Variants in RERE observed in about 807,000 individuals in gnomAD.
The protein encoded by RERE is arginine-glutamic acid dipeptide repeats, also known as arginine-glutamic acid dipeptide repeats protein.
RERE carries 40 observed loss-of-function variants against 146.1 expected under a neutral mutation model. The observed-to-expected ratio is 0.27, with a 90% confidence interval of 0.21 to 0.36. The LOEUF is 0.36. RERE is among the 10% of genes least tolerant of loss of function. RERE has a pLI of 1.00. For synonymous variants in RERE, 1,003 were observed against 866.0 expected, an observed-to-expected ratio of 1.16 and a Z score of -2.78; for missense variants, 1,933 against 2,138.7, an observed-to-expected ratio of 0.90 and a Z score of 1.90.
intron 11 of RERE, among the ~76,000 whole-genome samples, chr1:8,436,105 G>A (rs763306093): frequency 2.0e-5 from 3 of 152,180 alleles, no homozygotes; most frequent in Middle Eastern, 3.2e-3. Context: ...CAGATCACGA[G>A]GTCAGGAGTT....
intron 4 of RERE, among the ~76,000 whole-genome samples, chr1:8,585,637 C>T (rs781192786): frequency 3.3e-5 from 5 of 152,104 alleles, no homozygotes; most frequent in Non-Finnish European, 5.9e-5. Context: ...TAAGAGGTTC[C>T]TACTAACCAA....
At chr1:8,614,769 G>GT (rs1646832067) in intron 3 of RERE, 83 bp from the exon 4 acceptor site, 1 of 1,465,422 alleles carries the variant, frequency 6.8e-7, no homozygotes, top group South Asian at 1.4e-5. Context: ...ACACAAGTCG[G>GT]TATCTGCAAA....
At chr1:8,357,108 G>A (rs1298323446) in intron 20 of RERE, among the ~76,000 whole-genome samples, 1 of 152,120 alleles carries the variant, frequency 6.6e-6, no homozygotes, top group Non-Finnish European at 1.5e-5. Context: ...TATACTTTCT[G>A]CCTCTCACAA....
At chr1:8,750,578 T>C in intron 1 of RERE, 1 of 1,010,198 alleles carries the variant, frequency 9.9e-7, no homozygotes, top group Admixed American at 1.7e-5. Context: ...GAAGCTTATT[T>C]ATGAAAAAGC....
rs1644383404 is a variant in RERE at position 8,450,931 on chromosome 1, T to G, written c.1203+14994A>C. Among the ~76,000 whole-genome samples the G allele has an allele frequency of 3.3e-5, 5 of 152,328 alleles. 1 individual carries two copies. The South Asian group carries it at 1.0e-3, about 32-fold the overall frequency. On this transcript the variant is annotated intron_variant, in intron 11 of 22. Coordinates refer to ENST00000400908, the MANE Select transcript of RERE (RefSeq NM_001042681.2). ...CTGTGTCTACCATTCTTGGTGCTCTTTATTCCAGCCTAGCCATCTACCGGT... is the reference window on the plus strand; with the variant it reads ...CTGTGTCTACCATTCTTGGTGCTCTGTATTCCAGCCTAGCCATCTACCGGT...
intron 12 of RERE, among the ~76,000 whole-genome samples, chr1:8,392,102 C>T (rs1026985523): frequency 3.3e-5 from 5 of 152,182 alleles, no homozygotes; most frequent in Non-Finnish European, 7.4e-5. Context: ...TCACAACTCA[C>T]ACAATGTTCA....
chr1:8,588,628 A>G (rs1019565233), intron 4 of RERE, among the ~76,000 whole-genome samples: 1 of 152,222 alleles, frequency 6.6e-6, no homozygotes, highest in Admixed American at 6.5e-5. Flanking sequence ...AAATAATGGT[A>G]ACTAAGTAAT....
intron 6 of RERE, among the ~76,000 whole-genome samples, chr1:8,552,072 A>G (rs1645942389): frequency 6.6e-6 from 1 of 152,256 alleles, no homozygotes; most frequent in Non-Finnish European, 1.5e-5. Context: ...CAATGCAGTA[A>G]TGCTGAACTT....
intron 1 of RERE, among the ~76,000 whole-genome samples, chr1:8,787,936 A>G (rs1448085155): frequency 1.3e-5 from 2 of 152,084 alleles, no homozygotes; most frequent in African/African-American, 4.8e-5. Flanking sequence ...CATCTCTACA[A>G]AAAATACAAA....
At chr1:8,653,115 G>T (rs924612706) in intron 2 of RERE, among the ~76,000 whole-genome samples, 1 of 152,156 alleles carries the variant, frequency 6.6e-6, no homozygotes, top group African/African-American at 2.4e-5. Context: ...TGTTAAAGAG[G>T]TTTCCTTAAC....
At chr1:8,614,753 C>T (rs1646831682) in intron 3 of RERE, 67 bp from the exon 4 acceptor site, 25 of 1,519,550 alleles carry the variant, frequency 1.6e-5, no homozygotes, top group Non-Finnish European at 2.2e-5. Flanking sequence ...ATTAGGGGCA[C>T]GCAGCACACA....
chr1:8,425,344 C>A (rs1002827821), intron 11 of RERE: 1 of 152,274 alleles, frequency 6.6e-6, no homozygotes, highest in African/African-American at 2.4e-5. Context: ...GAAGTCATTA[C>A]AGAACATTCT....
At chr1:8,779,519 C>A (rs1641127661) in intron 1 of RERE, among the ~76,000 whole-genome samples, 1 of 151,792 alleles carries the variant, frequency 6.6e-6, no homozygotes, top group Non-Finnish European at 1.5e-5. Flanking sequence ...AAAAATTAGC[C>A]GGGCATGGTG....
chr1:8,373,181 T>G (rs1642108335), intron 12 of RERE, among the ~76,000 whole-genome samples: 1 of 152,174 alleles, frequency 6.6e-6, no homozygotes, highest in Non-Finnish European at 1.5e-5. Context: ...TCATTTTAAT[T>G]CTTTAAGACA....
intron 4 of RERE, among the ~76,000 whole-genome samples, chr1:8,605,063 TCTAA>T (rs1244628388): frequency 3.3e-5 from 5 of 152,250 alleles, no homozygotes; most frequent in East Asian, 1.9e-4. Flanking sequence ...TAACAATGTC[TCTAA>T]CTAATTTCAG....
At position 8,530,756 on chromosome 1, in the gene RERE, A is replaced by G. The variant is rs1478570939; in HGVS notation, c.830+10458T>C. ...CCGGACTGCGGACTGCAGTGGCGCA[A>G]TCTCGGCTCACTGCAAGCTCCGCTT... On this transcript the variant is annotated intron_variant, in intron 7 of 22. Coordinates refer to ENST00000400908, the MANE Select transcript of RERE (RefSeq NM_001042681.2). Among the ~76,000 whole-genome samples the G allele has an allele frequency of 4.9e-5, 7 of 144,162 alleles. No homozygotes were observed. The South Asian group carries it at 1.3e-3, about 27-fold the overall frequency. The allele number at this position is 144,162 out of a possible 152,430, so 94.6% of individuals were successfully genotyped here.
At chr1:8,587,665 C>G (rs768462277) in intron 4 of RERE, among the ~76,000 whole-genome samples, 7 of 152,196 alleles carry the variant, frequency 4.6e-5, no homozygotes, top group Non-Finnish European at 7.3e-5. Context: ...CAGTGACCAA[C>G]AAATAAAATC....
intron 7 of RERE, chr1:8,526,041 C>A: frequency 8.1e-7 from 1 of 1,239,684 alleles, no homozygotes; most frequent in Non-Finnish European, 1.0e-6. Context: ...CAATCAATCT[C>A]AACCCTGCTG....
intron 12 of RERE, among the ~76,000 whole-genome samples, chr1:8,379,991 A>T (rs945429833): frequency 3.9e-5 from 6 of 152,170 alleles, no homozygotes; most frequent in Admixed American, 6.5e-5. Context: ...TTCTGGAGAC[A>T]AATCACCACT....
Sources: gnomAD v4.1 joint callset for allele counts (sites outside exome capture counted in the v4.1 genomes callset) on GRCh38, gnomAD v4.1.1 for gene constraint, MANE v1.5 for transcripts, NCBI Gene and HGNC (gene_info 2026-07-23, HGNC 2026-07-21) for gene names.